MERTK: variants seen among roughly 807,000 people sequenced by gnomAD.
MERTK encodes tyrosine-protein kinase Mer.
MERTK carries 69 observed loss-of-function variants against 99.3 expected under a neutral mutation model. The ratio of observed to expected loss-of-function variants is 0.70; its 90% CI spans 0.57 to 0.85. MERTK has a LOEUF of 0.85. Ranked by LOEUF, MERTK falls within the 40% of genes least tolerant of loss-of-function variation. The pLI, the probability that MERTK is intolerant of heterozygous loss-of-function variation, is 0.00. For missense variants in MERTK, 1,125 were observed against 1,249.4 expected (o/e 0.90, Z 1.50); for synonymous variants, 426 against 467.6 (o/e 0.91, Z 1.15).
At chr2:111,899,062 T>TCC (rs1324234776) in intron 1 of MERTK, among the ~76,000 whole-genome samples, 4 of 152,080 alleles carry the variant, frequency 2.6e-5, no homozygotes, top group Non-Finnish European at 5.9e-5. Flanking sequence ...CGTTGCAGGC[T>TCC]CCCCTCTTCA....
intron 18 of MERTK, among the ~76,000 whole-genome samples, chr2:112,025,326 T>C (rs143886170): frequency 2.8e-4 from 42 of 152,300 alleles, no homozygotes; most frequent in African/African-American, 9.9e-4. Context: ...ACTCACCTGA[T>C]GCCCATCCCA....
chr2:111,983,833 C>A (rs1029573984), intron 8 of MERTK, among the ~76,000 whole-genome samples: 56 of 152,316 alleles, frequency 3.7e-4, no homozygotes, highest in African/African-American at 1.3e-3. Context: ...GATGGTTAGG[C>A]CTTGCAGTTT....
At chr2:111,966,508 A>G (rs1198194012) in intron 5 of MERTK, among the ~76,000 whole-genome samples, 4 of 152,216 alleles carry the variant, frequency 2.6e-5, no homozygotes, top group African/African-American at 9.7e-5. Flanking sequence ...AGACATTTTC[A>G]TGAAGTATAA....
chr2:111,961,159 T>C (rs1685242710), intron 4 of MERTK, among the ~76,000 whole-genome samples: 1 of 137,754 alleles, frequency 7.3e-6, no homozygotes, highest in East Asian at 2.0e-4. Context: ...TTTCTTTCTT[T>C]TTTTTTTTTT....
intron 1 of MERTK, among the ~76,000 whole-genome samples, chr2:111,928,579 A>G (rs1220176764): frequency 6.6e-6 from 1 of 152,084 alleles, no homozygotes; most frequent in African/African-American, 2.4e-5. Context: ...TCCGCCTCCC[A>G]GGTTCAAGCT....
At chr2:111,973,336 G>A (rs1209152199) in intron 6 of MERTK, among the ~76,000 whole-genome samples, 1 of 152,072 alleles carries the variant, frequency 6.6e-6, no homozygotes, top group African/African-American at 2.4e-5. Flanking sequence ...CAAACAAAAA[G>A]TGATGTCTGC....
intron 13 of MERTK, among the ~76,000 whole-genome samples, chr2:112,004,205 C>G (rs1350503507): frequency 6.6e-6 from 1 of 152,200 alleles, no homozygotes; most frequent in Admixed American, 6.5e-5. Context: ...CTAACTCCTG[C>G]ATGCCTATGC....
chr2:111,902,245 A>G (rs1196626188), intron 1 of MERTK, among the ~76,000 whole-genome samples: 3 of 152,350 alleles, frequency 2.0e-5, no homozygotes, highest in East Asian at 3.9e-4. Context: ...TAGAAGGGCC[A>G]GTGAGTTACT....
At chr2:111,942,648 C>T (rs2104700156) in intron 2 of MERTK, among the ~76,000 whole-genome samples, 1 of 152,280 alleles carries the variant, frequency 6.6e-6, no homozygotes, top group South Asian at 2.1e-4. Context: ...CCTGGGACCT[C>T]CCCCATGCCC....
intron 7 of MERTK, among the ~76,000 whole-genome samples, chr2:111,977,343 TTTTG>T (rs1182696700): frequency 2.6e-5 from 4 of 152,176 alleles, no homozygotes; most frequent in Non-Finnish European, 4.4e-5. Flanking sequence ...CAATTTTAGC[TTTTG>T]TTTGTTTGTT....
intron 4 of MERTK, among the ~76,000 whole-genome samples, chr2:111,955,437 G>A (rs1319536748): frequency 1.3e-5 from 2 of 152,084 alleles, no homozygotes; most frequent in Non-Finnish European, 2.9e-5. Flanking sequence ...TTAGGTTTGG[G>A]GGTAGGATGT....
chr2:111,951,747 C>T (rs560936375), intron 4 of MERTK, among the ~76,000 whole-genome samples: 1 of 151,672 alleles, frequency 6.6e-6, no homozygotes, highest in South Asian at 2.1e-4. Flanking sequence ...TTCTGAGGAA[C>T]CTCCAAACTA....
intron 6 of MERTK, 135 bp downstream of exon 6, chr2:111,968,387 G>C: frequency 1.4e-6 from 1 of 730,954 alleles, no homozygotes; most frequent in Non-Finnish European, 2.5e-6. Flanking sequence ...CCCTGCTTCA[G>C]TGTCCAGCAT....
At chr2:111,923,493 G>A (rs530281195) in intron 1 of MERTK, among the ~76,000 whole-genome samples, 24 of 152,266 alleles carry the variant, frequency 1.6e-4, no homozygotes, top group African/African-American at 5.3e-4. Flanking sequence ...GCAGCTGGGC[G>A]GCTACTCTGG....
intron 9 of MERTK, 180 bp from the exon 10 acceptor site, chr2:111,997,143 A>T (rs4848238): frequency 2.5e-6 from 2 of 790,922 alleles, no homozygotes; most frequent in East Asian, 4.9e-5. Context: ...CTAGTTTCCC[A>T]TCAGTTATTA....
chr2:112,010,222 T>C lies in MERTK; in HGVS notation c.2079+156T>C, dbSNP rs1420131176. ...GTGTGTCCAGGGTTGAAATGTGGGG[T>C]CTATCCTCACAGCAGGCCTGCTCCA... On this transcript the variant is annotated intron_variant, in intron 15 of 18. Transcript: ENST00000295408. 1.7e-5 allele frequency: 12 copies of C among 700,300 alleles called. No homozygotes were observed. In the Admixed American group the frequency reaches 2.1e-4, roughly 12 times the overall value. The allele number at this position is 700,300 out of a possible 1,614,324, so 43.4% of individuals were successfully genotyped here.
rs1488441379 is a variant in MERTK, at chr2:111,947,509, A to G, written c.699A>G (p.Gln233=). 1 of 1,614,174 alleles carries G rather than the reference A, an allele frequency of 6.2e-7. No homozygotes were observed. Among genetic ancestry groups the G allele is most frequent in the Non-Finnish European group, 8.5e-7 (1 of 1,180,028 alleles). ...AGCCCGTCAACATTTTCTGGGTTCA[A>G]AACAGTAGCCGTGTTAACGAACAGC... The part of the protein sequence containing the change: ...PPEPVNIFWV[Q]NSSRVNEQPE... Residue 233 remains glutamine (Q), a synonymous_variant, in exon 4 of 19, where the codon CAA becomes CAG. Coordinates refer to ENST00000295408, the MANE Select transcript of MERTK (RefSeq NM_006343.3).
chr2:111,986,965 C>G (rs1676489921), intron 8 of MERTK, among the ~76,000 whole-genome samples: 1 of 152,174 alleles, frequency 6.6e-6, no homozygotes, highest in Non-Finnish European at 1.5e-5. Context: ...GAAACCCACA[C>G]CCAAAAGGAA....
intron 18 of MERTK, 36 bp from the exon 19 acceptor site, chr2:112,028,315 A>G: frequency 6.2e-7 from 1 of 1,603,896 alleles, no homozygotes; most frequent in Non-Finnish European, 8.5e-7. Flanking sequence ...GATGGGTGCC[A>G]TGCTGGGAGA....
Sources: gnomAD v4.1 joint callset for allele counts (sites outside exome capture counted in the v4.1 genomes callset) on GRCh38, gnomAD v4.1.1 for gene constraint, MANE v1.5 for transcripts, NCBI Gene and HGNC (gene_info 2026-07-23, HGNC 2026-07-21) for gene names.